CTDSPL: variants seen among roughly 807,000 people sequenced by gnomAD.
CTDSPL encodes CTD small phosphatase-like protein.
Under a neutral mutation model 30.5 loss-of-function variants are expected in CTDSPL, and 8 were observed. The ratio of observed to expected loss-of-function variants is 0.26; its 90% CI spans 0.15 to 0.47. The LOEUF is 0.47. CTDSPL is among the 20% of genes least tolerant of loss of function. The pLI is 0.99. For synonymous variants in CTDSPL, 110 were observed against 137.9 expected (o/e 0.80, Z 1.42); for missense variants, 248 against 366.1 (o/e 0.68, Z 2.63).
rs1360217263 is a variant in CTDSPL at position 37,975,042 on chromosome 3, AAGAT to A, written c.520-662_520-659del. On this transcript the variant is annotated intron_variant, in intron 6 of 7. Transcript: ENST00000273179. This position sits in a 1 kb window ranked among gnomAD's most constrained non-coding sequence, Gnocchi z 4.9. ...CTGTGAGGGAAACAACCCAGAAAGG[AAGAT>A]AGATGTGGCTCTAGGTGGATGGGAG... 1.3e-5 allele frequency among the ~76,000 whole-genome samples: 2 copies of A among 152,206 alleles called. No homozygotes were observed. The highest frequency in any genetic ancestry group is 4.8e-5 in the African/African-American group (2 of 41,454).
At chr3:37,874,582 G>T (rs567892776) in intron 1 of CTDSPL, among the ~76,000 whole-genome samples, 3 of 152,168 alleles carry the variant, frequency 2.0e-5, no homozygotes, top group South Asian at 2.1e-4. Context: ...ATACAAAAAT[G>T]AGCTGGGCGT....
chr3:37,913,779 A>G (rs1239885406), intron 1 of CTDSPL, among the ~76,000 whole-genome samples: 3 of 152,318 alleles, frequency 2.0e-5, no homozygotes, highest in African/African-American at 4.8e-5. Context: ...TCTGGTGAAC[A>G]TATATGTGCC....
At chr3:37,966,202 T>G (rs1002468250) in intron 4 of CTDSPL, among the ~76,000 whole-genome samples, 1 of 152,342 alleles carries the variant, frequency 6.6e-6, no homozygotes, top group Middle Eastern at 3.4e-3. Flanking sequence ...AGAGCATTGA[T>G]GCCACAAGCT....
chr3:37,933,588 G>T (rs1024796164), intron 1 of CTDSPL, among the ~76,000 whole-genome samples: 1 of 152,104 alleles, frequency 6.6e-6, no homozygotes, highest in Non-Finnish European at 1.5e-5. Flanking sequence ...CAGACCACTG[G>T]GTTTGAACAA....
At chr3:37,871,627 A>T (rs561120559) in intron 1 of CTDSPL, among the ~76,000 whole-genome samples, 1 of 152,306 alleles carries the variant, frequency 6.6e-6, no homozygotes, top group African/African-American at 2.4e-5. Flanking sequence ...TTCTGTTTGC[A>T]GTTCATTCTG....
chr3:37,967,893 G>A lies in CTDSPL; in HGVS notation c.426+11G>A, dbSNP rs1375092217. ...GGAACTATACATCAGGTAAGAAACT[G>A]AAGCTAAATTTGAGTTTCAATTAAG... On this transcript the variant is annotated intron_variant, in intron 5 of 7. Coordinates refer to ENST00000273179, the MANE Select transcript of CTDSPL (RefSeq NM_001008392.2). 2 of 1,572,166 alleles carry A rather than the reference G, an allele frequency of 1.3e-6. No homozygotes were observed. Among genetic ancestry groups the A allele is most frequent in the Non-Finnish European group, 1.7e-6 (2 of 1,161,960 alleles).
intron 1 of CTDSPL, among the ~76,000 whole-genome samples, chr3:37,897,969 G>A (rs558172559): frequency 6.6e-6 from 1 of 152,244 alleles, no homozygotes; most frequent in Admixed American, 6.5e-5. Context: ...GAGAAAATGT[G>A]TTTATCTTTT....
rs937327211 is a variant in CTDSPL at position 37,961,570 on chromosome 3, A to G, written c.268-3001A>G. 1.2e-4 allele frequency among the ~76,000 whole-genome samples: 18 copies of G among 152,310 alleles called. 1 individual carries two copies. In the South Asian group the frequency reaches 2.7e-3, roughly 23 times the overall value. On this transcript the variant is annotated intron_variant, in intron 3 of 7. Transcript: ENST00000273179. ...GGAGAGGATTTGTTTTCTAACAGCT[A>G]TGTTTCTATGCTATTTGCCTAAGGC...
chr3:37,903,869 C>A (rs1206322113), intron 1 of CTDSPL, among the ~76,000 whole-genome samples: 2 of 152,244 alleles, frequency 1.3e-5, no homozygotes, highest in African/African-American at 4.8e-5. Context: ...AGTCCATGTG[C>A]AGTTGCTTCT....
At chr3:37,929,812 C>T (rs1698828991) in intron 1 of CTDSPL, among the ~76,000 whole-genome samples, 1 of 152,044 alleles carries the variant, frequency 6.6e-6, no homozygotes, top group Non-Finnish European at 1.5e-5. Flanking sequence ...ATAATGTGTA[C>T]AGTAGAAATG....
chr3:37,909,140 A>G (rs945002369), intron 1 of CTDSPL, among the ~76,000 whole-genome samples: 1 of 152,228 alleles, frequency 6.6e-6, no homozygotes, highest in African/African-American at 2.4e-5. Flanking sequence ...AATTCAAGAA[A>G]GAAATTTCAC....
chr3:37,908,487 A>G (rs1486938180), intron 1 of CTDSPL, among the ~76,000 whole-genome samples: 3 of 152,098 alleles, frequency 2.0e-5, no homozygotes, highest in East Asian at 1.9e-4. Context: ...ATGGCTGGGT[A>G]ATATTTTATT....
At chr3:37,930,826 T>A (rs1174518457) in intron 1 of CTDSPL, among the ~76,000 whole-genome samples, 1 of 152,214 alleles carries the variant, frequency 6.6e-6, no homozygotes, top group African/African-American at 2.4e-5. Flanking sequence ...TTGCTGTCTA[T>A]TTCTCTCTTC....
At chr3:37,879,375 G>A (rs1698176141) in intron 1 of CTDSPL, among the ~76,000 whole-genome samples, 2 of 152,166 alleles carry the variant, frequency 1.3e-5, no homozygotes, top group South Asian at 4.1e-4. Flanking sequence ...CCTCCAAGGG[G>A]CTGCTGAATG....
chr3:37,935,937 T>C (rs1157907995), intron 1 of CTDSPL, among the ~76,000 whole-genome samples: 1 of 152,138 alleles, frequency 6.6e-6, no homozygotes, highest in Non-Finnish European at 1.5e-5. Flanking sequence ...GTACTTTGAG[T>C]CTCTGTTTTC....
chr3:37,953,271 A>G (rs1352545216), intron 2 of CTDSPL, among the ~76,000 whole-genome samples: 2 of 152,162 alleles, frequency 1.3e-5, no homozygotes, highest in African/African-American at 2.4e-5. Context: ...ATCCTCATTC[A>G]CGTGCCTACG....
chr3:37,896,662 C>T (rs13083874), intron 1 of CTDSPL, among the ~76,000 whole-genome samples: 3,038 of 152,164 alleles, frequency 0.02, 44 homozygotes, highest in Middle Eastern at 0.034. Context: ...TCAGCACCCC[C>T]TGAGTAGCTG....
intron 7 of CTDSPL, among the ~76,000 whole-genome samples, chr3:37,977,811 C>A (rs563090010): frequency 2.6e-5 from 4 of 151,970 alleles, no homozygotes; most frequent in Admixed American, 1.3e-4. Context: ...GTGGGAGGAT[C>A]TCTTGAGCCC....
Position 37,984,404 on chromosome 3 carries a change from G to A in CTDSPL, c.*3537G>A, listed in dbSNP as rs745650114. 21 of 428,622 alleles carry A rather than the reference G, an allele frequency of 4.9e-5. No homozygotes were observed. Among genetic ancestry groups the A allele is most frequent in the East Asian group, 3.6e-4 (5 of 13,892 alleles). 26.6% of individuals were successfully genotyped at this position (428,622 alleles called of 1,614,324 possible). On this transcript the variant is annotated 3_prime_UTR_variant, in exon 8 of 8. Transcript: ENST00000273179. Reference sequence around the variant, plus strand: ...GCGGAATGTGCACGTTTCCAGGGGCGAGTATTGTCAATCAAAAGGTTTGCA... The same window carrying A: ...GCGGAATGTGCACGTTTCCAGGGGCAAGTATTGTCAATCAAAAGGTTTGCA...
Sources: allele counts gnomAD v4.1 joint callset (sites outside exome capture counted in the v4.1 genomes callset), GRCh38; gene constraint gnomAD v4.1.1; non-coding constraint Gnocchi (gnomAD v3.1); transcripts MANE v1.5; gene names NCBI Gene and HGNC (gene_info 2026-07-23, HGNC 2026-07-21).